Variants in PSD2 observed in about 807,000 individuals in gnomAD.
PSD2 encodes the protein pleckstrin and Sec7 domain containing 2, also known as PH and SEC7 domain-containing protein 2.
PSD2 carries 38 observed loss-of-function variants against 69.8 expected under a neutral mutation model. The observed-to-expected ratio is 0.54, with a 90% CI of 0.42 to 0.71. PSD2 has a LOEUF of 0.71. Ranked by LOEUF, PSD2 falls within the 30% of genes least tolerant of loss-of-function variation. The pLI is 0.00. For missense variants in PSD2, 943 were observed against 1,014.5 expected, an observed-to-expected ratio of 0.93 and a Z score of 0.96; for synonymous variants, 412 against 423.0, an observed-to-expected ratio of 0.97 and a Z score of 0.32.
In PSD2 at chr5:139,837,907, A is replaced by AGCTG; in HGVS notation, c.1823+127_1823+130dup. The AGCTG allele has an allele frequency of 1.1e-6, 1 of 912,968 alleles. No homozygotes were observed. Among genetic ancestry groups the AGCTG allele is most frequent in the Non-Finnish European group, 1.6e-6 (1 of 614,916 alleles). The allele number at this position is 912,968 out of a possible 1,614,324, so 56.6% of individuals were successfully genotyped here. ...GTGTATCCACATGACACAGACCGAC[A>AGCTG]GCTGGGTCCCTCCAAAGCAGTGGTT... On this transcript the variant is annotated intron_variant, in intron 12 of 14. Coordinates refer to ENST00000274710, the MANE Select transcript of PSD2 (RefSeq NM_032289.4). The surrounding 1 kb of genome is among the most constrained non-coding windows in gnomAD (Gnocchi z 5.0).
chr5:139,812,656 G>A (rs1294333844), intron 2 of PSD2, among the ~76,000 whole-genome samples: 1 of 152,306 alleles, frequency 6.6e-6, no homozygotes, highest in African/African-American at 2.4e-5. Context: ...CTGTGGGCCT[G>A]CCTCCCCTGC....
In PSD2 at chr5:139,814,332, G is replaced by A; in HGVS notation, c.984G>A (p.Gln328=). Reference sequence around the variant, plus strand: ...GTCTCTACCACCTCGAGGGCTTCCAGCGCTGTGATGTGGCCCGGCAGCTGG... The same window carrying A: ...GTCTCTACCACCTCGAGGGCTTCCAACGCTGTGATGTGGCCCGGCAGCTGG... ...ARRLYHLEGF[Q]RCDVARQLGK... Residue 328 remains glutamine (Q), a synonymous_variant, in exon 4 of 15, where the codon CAG becomes CAA. Transcript: ENST00000274710. This position sits in a 1 kb window ranked among gnomAD's most constrained non-coding sequence, Gnocchi z 4.4. 1 of 1,608,604 alleles carries A rather than the reference G, an allele frequency of 6.2e-7. No individual in the cohort carries two copies. Among genetic ancestry groups the A allele is most frequent in the Non-Finnish European group, 8.5e-7 (1 of 1,177,614 alleles).
At chr5:139,809,277 T>G in intron 1 of PSD2, 114 bp from the exon 2 acceptor site, 1 of 799,858 alleles carries the variant, frequency 1.3e-6, no homozygotes, top group Non-Finnish European at 1.9e-6. Flanking sequence ...GGAGGTCATC[T>G]TGGCCATCTC....
At chr5:139,777,006 C>T in the PSD2 span, among the ~76,000 whole-genome samples, 3 of 152,212 alleles carry the variant, frequency 2.0e-5, no homozygotes, top group African/African-American at 7.2e-5. Context: ...CTTGTGCTGT[C>T]CAGCTGTTGG....
chr5:139,809,395 A>G lies in PSD2; in HGVS notation c.-46A>G. 6.3e-7 allele frequency: 1 copy of G among 1,588,060 alleles called. No individual in the cohort carries two copies. Among genetic ancestry groups the G allele is most frequent in the Non-Finnish European group, 8.5e-7 (1 of 1,170,476 alleles). ...CCTCTCTCCACCCACTGCCAGGTCT[A>G]GAGGAGTCCCAGGAGCAGCCAGGAC... On this transcript the variant is annotated 5_prime_UTR_variant, in exon 2 of 15. Coordinates refer to ENST00000274710, the MANE Select transcript of PSD2 (RefSeq NM_032289.4).
At chr5:139,789,999 G>A in the PSD2 span, among the ~76,000 whole-genome samples, 9 of 152,080 alleles carry the variant, frequency 5.9e-5, no homozygotes, top group South Asian at 2.1e-4. Flanking sequence ...GGGGCCGGGC[G>A]GGCGCTGAGG....
intron 4 of PSD2, among the ~76,000 whole-genome samples, chr5:139,816,069 T>G (rs1760116697): frequency 6.6e-6 from 1 of 151,614 alleles, no homozygotes; most frequent in Non-Finnish European, 1.5e-5. Flanking sequence ...AACCTCTATA[T>G]GCCCATTACT....
chr5:139,813,579 T>C lies in PSD2; in HGVS notation c.642T>C (p.Gly214=). 1.9e-6 allele frequency: 3 copies of C among 1,613,174 alleles called. No homozygotes were observed. Among genetic ancestry groups the C allele is most frequent in the African/African-American group, 2.7e-5 (2 of 75,028 alleles). ...AGGGGGACATGGGGGCAGCTGGTGG[T>C]GATGGGGAGCTGGGCAGCCCCCTGC... ...AFEGDMGAAG[G]DGELGSPLRR... The change falls in exon 3 of 15, where the codon GGT becomes GGC. Residue 214 remains glycine, a synonymous_variant. Coordinates refer to ENST00000274710, the MANE Select transcript of PSD2 (RefSeq NM_032289.4).
intron 1 of PSD2, among the ~76,000 whole-genome samples, chr5:139,805,322 G>C (rs1759778298): frequency 6.6e-6 from 1 of 152,218 alleles, no homozygotes; most frequent in Admixed American, 6.5e-5. Context: ...TCTCAGCCTT[G>C]CTGCTTTCCA....
chr5:139,746,324 G>T, the PSD2 span: 1 of 152,206 alleles, frequency 6.6e-6, no homozygotes, highest in Non-Finnish European at 1.5e-5. This position sits in a 1 kb window ranked among gnomAD's most constrained non-coding sequence, Gnocchi z 4.5. Context: ...ATAACGGCCC[G>T]CTGATTGGCT....
At chr5:139,806,034 G>A (rs1759797387) in intron 1 of PSD2, among the ~76,000 whole-genome samples, 1 of 152,218 alleles carries the variant, frequency 6.6e-6, no homozygotes, top group African/African-American at 2.4e-5. Context: ...CTGGCAGTTG[G>A]CTGAGCCAGG....
At chr5:139,816,485 A>C (rs1581722103) in intron 4 of PSD2, among the ~76,000 whole-genome samples, 2 of 152,192 alleles carry the variant, frequency 1.3e-5, no homozygotes, top group African/African-American at 4.8e-5. Context: ...GAAGAAACCA[A>C]GCCATTTGTC....
chr5:139,796,067 G>C (rs1272674668), intron 1 of PSD2, 92 bp downstream of exon 1: 4 of 149,650 alleles, frequency 2.7e-5, no homozygotes, highest in Non-Finnish European at 6.0e-5. Context: ...GCGTGCGGGT[G>C]GGGGGCGTCG....
chr5:139,763,427 A>G, the PSD2 span, among the ~76,000 whole-genome samples: 1 of 152,112 alleles, frequency 6.6e-6, no homozygotes, highest in African/African-American at 2.4e-5. Context: ...TGGGTTCCCA[A>G]TCAGGCAGAA....
intron 7 of PSD2, among the ~76,000 whole-genome samples, chr5:139,824,921 A>C (rs750379638): frequency 1.3e-5 from 2 of 152,086 alleles, no homozygotes; most frequent in Non-Finnish European, 1.5e-5. Flanking sequence ...GTCCCCACAA[A>C]AAGAGCTCTG....
intron 3 of PSD2, among the ~76,000 whole-genome samples, 197 bp downstream of exon 3, chr5:139,813,955 C>A (rs950515768): frequency 6.6e-6 from 1 of 152,214 alleles, no homozygotes; most frequent in Non-Finnish European, 1.5e-5. Flanking sequence ...TTCTCAGCCC[C>A]GGTAGAAGTC....
At chr5:139,769,984 C>G in the PSD2 span, among the ~76,000 whole-genome samples, 1 of 152,184 alleles carries the variant, frequency 6.6e-6, no homozygotes, top group Non-Finnish European at 1.5e-5. Context: ...AAGTGGGGTC[C>G]AGTGGGACAG....
the PSD2 span, among the ~76,000 whole-genome samples, chr5:139,772,351 G>A: frequency 7.2e-5 from 11 of 152,090 alleles, no homozygotes; most frequent in African/African-American, 2.4e-4. Context: ...AGCATTCTCC[G>A]AGCCGATCTG....
intron 7 of PSD2, among the ~76,000 whole-genome samples, chr5:139,826,216 T>G (rs1378495687): frequency 6.6e-6 from 1 of 152,032 alleles, no homozygotes. Flanking sequence ...GTGGGTGAGA[T>G]GAGCTCAAGA....
Sources: allele counts gnomAD v4.1 joint callset (sites outside exome capture counted in the v4.1 genomes callset), GRCh38; gene constraint gnomAD v4.1.1; non-coding constraint Gnocchi (gnomAD v3.1); transcripts MANE v1.5; gene names NCBI Gene and HGNC (gene_info 2026-07-23, HGNC 2026-07-21).